The following PTPN9 variants were observed in gnomAD, a reference collection of about 807,000 sequenced individuals.
PTPN9 encodes tyrosine-protein phosphatase non-receptor type 9.
PTPN9 carries 26 observed loss-of-function variants against 69.8 expected under a neutral mutation model. That is an observed-to-expected ratio of 0.37 (90% CI 0.27 to 0.52). PTPN9 has a LOEUF of 0.52. PTPN9 is among the 20% of genes least tolerant of loss of function. The probability of loss-of-function intolerance (pLI) is 0.91; values close to 1 mark genes in which losing one functional copy is unlikely to be tolerated. For missense variants in PTPN9, 549 were observed against 740.3 expected (o/e 0.74, Z 3.00); for synonymous variants, 274 against 272.5 (o/e 1.01, Z -0.05).
intron 5 of PTPN9, chr15:75,513,448 A>C (rs1245110117): frequency 2.2e-6 from 1 of 454,396 alleles, no homozygotes; most frequent in Admixed American, 2.4e-5. Flanking sequence ...ACTGAAGAGA[A>C]CAGAGTGACA....
chr15:75,487,372 C>T (rs1158098629), intron 8 of PTPN9: 2 of 151,546 alleles, frequency 1.3e-5, no homozygotes, highest in African/African-American at 4.9e-5. Flanking sequence ...AAAAAAAAGC[C>T]TAAATACTCC....
intron 1 of PTPN9, among the ~76,000 whole-genome samples, chr15:75,572,658 T>C (rs1225916755): frequency 6.6e-6 from 1 of 151,748 alleles, no homozygotes; most frequent in Non-Finnish European, 1.5e-5. Context: ...GAGGTTGCAG[T>C]GGGCTGAGAC....
rs145169860 is a variant in PTPN9, at chr15:75,556,941, A to G, written c.63+21773T>C. ...GTAGGTACCTCAAACAAGTGGAATC[A>G]CAACAGTTGTCCTCCTGTGTCTGGC... On this transcript the variant is annotated intron_variant, in intron 1 of 12. Coordinates refer to ENST00000618819, the MANE Select transcript of PTPN9 (RefSeq NM_002833.4). Among the ~76,000 whole-genome samples the G allele has an allele frequency of 5.3e-5, 8 of 152,318 alleles. No homozygotes were observed. In the East Asian group the frequency reaches 1.5e-3, roughly 29 times the overall value.
chr15:75,505,704 C>T lies in PTPN9; in HGVS notation c.939G>A (p.Glu313=), dbSNP rs1207850174. Residue 313 remains glutamate, a synonymous_variant, in exon 7 of 13, where the codon GAG becomes GAA. Transcript: ENST00000618819. ...IYEEYEDIRR[E]NPVGTFHCSM... ...AACAGTGGAAAGTGCCAACAGGGTT[C>T]TCACGACGAATGTCTTCATATTCCT... 1.6e-5 allele frequency: 26 copies of T among 1,613,884 alleles called. No homozygotes were observed. Among genetic ancestry groups the T allele is most frequent in the Non-Finnish European group, 2.2e-5 (26 of 1,179,950 alleles).
chr15:75,505,143 G>C (rs1226622579), intron 7 of PTPN9, among the ~76,000 whole-genome samples: 1 of 151,732 alleles, frequency 6.6e-6, no homozygotes, highest in Non-Finnish European at 1.5e-5. Flanking sequence ...GGATCCTGTT[G>C]ATCGGTGACC....
chr15:75,529,933 G>A lies in PTPN9; in HGVS notation c.64-2672C>T, dbSNP rs921955884. 3.7e-4 allele frequency among the ~76,000 whole-genome samples: 56 copies of A among 150,922 alleles called. 1 individual carries two copies. The highest frequency in any genetic ancestry group is 8.6e-4 in the Admixed American group (13 of 15,110). On this transcript the variant is annotated intron_variant, in intron 1 of 12. Transcript: ENST00000618819. ...TCAAAGAAAAAAAAAATGGCTGGGC[G>A]TGTTGGCTTATGCCTGTAATCCCAG...
chr15:75,491,055 G>A (rs913991942), intron 7 of PTPN9, among the ~76,000 whole-genome samples: 2 of 152,110 alleles, frequency 1.3e-5, no homozygotes, highest in African/African-American at 4.8e-5. Context: ...GCTGCAGTGC[G>A]CTATGACAGC....
At chr15:75,511,224 T>C (rs1446668370) in intron 5 of PTPN9, among the ~76,000 whole-genome samples, 1 of 152,186 alleles carries the variant, frequency 6.6e-6, no homozygotes, top group African/African-American at 2.4e-5. Flanking sequence ...TTTGAGGAGC[T>C]ATTTTCTTTT....
chr15:75,480,739 G>C lies in PTPN9; in HGVS notation c.1063-825C>G, dbSNP rs1051313640. The C allele has an allele frequency of 3.6e-4, 472 of 1,295,282 alleles. 4 individuals carry two copies. In the East Asian group the frequency reaches 0.015, roughly 42 times the overall value. The allele number at this position is 1,295,282 out of a possible 1,614,324, so 80.2% of individuals were successfully genotyped here. A position where few individuals can be genotyped will look rare whatever the true frequency, so the allele number is the denominator to read the frequency against. ...GGAGGATGGAGTTCAGCGGGCAGCGGAGCTGTCTCAGTCTTTGCCGCCGCG... is the reference window on the plus strand; with the variant it reads ...GGAGGATGGAGTTCAGCGGGCAGCGCAGCTGTCTCAGTCTTTGCCGCCGCG... On this transcript the variant is annotated intron_variant, in intron 8 of 12. Coordinates refer to ENST00000618819, the MANE Select transcript of PTPN9 (RefSeq NM_002833.4).
At chr15:75,513,569 C>A (rs2074853778) in intron 5 of PTPN9, 1 of 357,750 alleles carries the variant, frequency 2.8e-6, no homozygotes, top group East Asian at 7.5e-5. Context: ...GAGTTCGAGA[C>A]CAGCCTGGCC....
At chr15:75,557,427 A>AAC (rs1178542085) in intron 1 of PTPN9, among the ~76,000 whole-genome samples, 1 of 151,826 alleles carries the variant, frequency 6.6e-6, no homozygotes, top group Non-Finnish European at 1.5e-5. Context: ...TCTGTCTCAA[A>AAC]AAAAAAAACA....
At chr15:75,522,576 T>A (rs1202362839) in intron 4 of PTPN9, among the ~76,000 whole-genome samples, 1 of 152,048 alleles carries the variant, frequency 6.6e-6, no homozygotes, top group African/African-American at 2.4e-5. Context: ...GCTAATTTTT[T>A]GTATTTTTTA....
intron 2 of PTPN9, among the ~76,000 whole-genome samples, chr15:75,525,445 C>T (rs868233014): frequency 1.3e-5 from 2 of 151,388 alleles, no homozygotes; most frequent in African/African-American, 2.4e-5. Context: ...CCACCCGCCT[C>T]GGCCTCCCAA....
At chr15:75,494,190 G>A (rs1180354337) in intron 7 of PTPN9, among the ~76,000 whole-genome samples, 1 of 149,490 alleles carries the variant, frequency 6.7e-6, no homozygotes, top group Non-Finnish European at 1.5e-5. Flanking sequence ...GAGAGAGCGC[G>A]AGCGAGAACT....
intron 1 of PTPN9, among the ~76,000 whole-genome samples, chr15:75,553,392 G>A (rs1595968685): frequency 6.6e-6 from 1 of 152,102 alleles, no homozygotes; most frequent in African/African-American, 2.4e-5. Flanking sequence ...CTTCATTCAT[G>A]ATACTGTCTT....
rs1415021474 is a variant in PTPN9, at chr15:75,466,094, T to A, written c.*2675A>T. 1 of 152,166 alleles carries A rather than the reference T, an allele frequency of 6.6e-6. No homozygotes were observed. The highest frequency in any genetic ancestry group is 2.4e-5 in the African/African-American group (1 of 41,424). The allele number at this position is 152,166 out of a possible 1,614,324, so 9.4% of individuals were successfully genotyped here. ...TCAGAAGATGGATCCTTAGAGGAAG[T>A]CTAGTGTAAGAGGTGAAAGAAGATA... On this transcript the variant is annotated 3_prime_UTR_variant, in exon 13 of 13. Coordinates refer to ENST00000618819, the MANE Select transcript of PTPN9 (RefSeq NM_002833.4).
At chr15:75,530,018 A>G (rs1298645154) in intron 1 of PTPN9, among the ~76,000 whole-genome samples, 1 of 151,782 alleles carries the variant, frequency 6.6e-6, no homozygotes, top group Non-Finnish European at 1.5e-5. Context: ...CCTGGCCAAT[A>G]TGGTGAAACC....
intron 1 of PTPN9, among the ~76,000 whole-genome samples, chr15:75,577,000 AACACAC>A (rs911196707): frequency 1.3e-5 from 2 of 151,956 alleles, no homozygotes; most frequent in Admixed American, 6.6e-5. Context: ...AGATTTTAAA[AACACAC>A]ACACACACAA....
intron 1 of PTPN9, among the ~76,000 whole-genome samples, chr15:75,578,191 C>T: frequency 6.6e-6 from 1 of 152,062 alleles, no homozygotes; most frequent in Non-Finnish European, 1.5e-5. Context: ...CATAACCTGC[C>T]CAAGTGGGCC....
Sources: gnomAD v4.1 joint callset for allele counts (sites outside exome capture counted in the v4.1 genomes callset) on GRCh38, gnomAD v4.1.1 for gene constraint, MANE v1.5 for transcripts, NCBI Gene and HGNC (gene_info 2026-07-23, HGNC 2026-07-21) for gene names.